The following YTHDC2 variants were observed in gnomAD, a reference collection of about 807,000 sequenced individuals.
YTHDC2 encodes YTH N6-methyladenosine RNA binding protein C2.
Under a neutral mutation model 174.9 loss-of-function variants are expected in YTHDC2, and 45 were observed. That is an observed-to-expected ratio of 0.26 (90% confidence interval 0.20 to 0.33). The LOEUF is 0.33. Among genes scored for constraint, YTHDC2 ranks in the 10% least tolerant of loss-of-function variants. The pLI is 1.00. For missense variants in YTHDC2, 1,650 were observed against 1,723.7 expected (o/e 0.96, Z 0.76); for synonymous variants, 657 against 574.5 (o/e 1.14, Z -2.05).
chr5:113,564,685 G>T (rs770065340), intron 20 of YTHDC2, among the ~76,000 whole-genome samples: 2 of 152,142 alleles, frequency 1.3e-5, no homozygotes, highest in Non-Finnish European at 2.9e-5. Flanking sequence ...GGGGAAAATA[G>T]GATCCTGGGG....
At position 113,567,130 on chromosome 5, in the gene YTHDC2, G is replaced by A. The variant is rs768733316; in HGVS notation, c.2881G>A (p.Val961Ile). 1.1e-5 allele frequency: 17 copies of A among 1,613,576 alleles called. No homozygotes were observed. The South Asian group carries it at 1.4e-4, about 14-fold the overall frequency. Reference sequence around the variant, plus strand: ...ACGAGGTGGTGGTGACATTCGGGACGTTAACACAAACTCTGAGAATTGGGC... The same window carrying A: ...ACGAGGTGGTGGTGACATTCGGGACATTAACACAAACTCTGAGAATTGGGC... ...RARGGGDIRD[V>I]NTNSENWAVV... Residue 961 changes from valine (V) to isoleucine (I), a missense_variant, in exon 22 of 30, where the codon GTT becomes ATT. Val to Ile is a conservative substitution (Grantham distance 29). Around this residue, in one of 5 missense-constraint regions of YTHDC2, gnomAD observed 913 missense variants for 940.4 expected, o/e 0.97. Coordinates refer to ENST00000161863, the MANE Select transcript of YTHDC2 (RefSeq NM_022828.5).
Position 113,513,792 on chromosome 5 carries a change from C to G in YTHDC2, c.-104C>G, listed in dbSNP as rs930914032. 7.5e-6 allele frequency: 10 copies of G among 1,338,190 alleles called. No homozygotes were observed. The Middle Eastern group carries it at 8.0e-4, about 107-fold the overall frequency. The allele number at this position is 1,338,190 out of a possible 1,614,324, so 82.9% of individuals were successfully genotyped here. ...GACCTCAGCCCAACACAGGCCGTCT[C>G]CGGAGCTTCCCGGTAGTGGCCCCGG... On this transcript the variant is annotated 5_prime_UTR_variant, in exon 1 of 30. Coordinates refer to ENST00000161863, the MANE Select transcript of YTHDC2 (RefSeq NM_022828.5).
chr5:113,591,638 A>C (rs1779010924), intron 27 of YTHDC2, among the ~76,000 whole-genome samples: 1 of 152,166 alleles, frequency 6.6e-6, no homozygotes, highest in African/African-American at 2.4e-5. Context: ...GTATACCTGA[A>C]TTTATAAAAT....
intron 2 of YTHDC2, among the ~76,000 whole-genome samples, chr5:113,515,957 TC>T (rs1040331913): frequency 6.6e-6 from 1 of 152,182 alleles, no homozygotes; most frequent in African/African-American, 2.4e-5. Context: ...GAATAGTCCT[TC>T]CCTTTCTGGT....
intron 26 of YTHDC2, among the ~76,000 whole-genome samples, chr5:113,589,592 A>T (rs1778901612): frequency 6.6e-6 from 1 of 151,636 alleles, no homozygotes; most frequent in Admixed American, 6.6e-5. Flanking sequence ...TTAGTTGGGC[A>T]TGGTGATGGG....
intron 2 of YTHDC2, among the ~76,000 whole-genome samples, chr5:113,523,823 T>C (rs1774035646): frequency 1.3e-5 from 2 of 152,074 alleles, no homozygotes; most frequent in Admixed American, 1.3e-4. Flanking sequence ...CTAATGAAAA[T>C]TAGAAAAATT....
At chr5:113,515,070 ACATT>A (rs1773310249) in intron 1 of YTHDC2, among the ~76,000 whole-genome samples, 198 bp from the exon 2 acceptor site, 1 of 152,168 alleles carries the variant, frequency 6.6e-6, no homozygotes, top group South Asian at 2.1e-4. Context: ...ATTCTGATAG[ACATT>A]CAGTAGTTAT....
At chr5:113,570,646 A>T (rs545467743) in intron 23 of YTHDC2, among the ~76,000 whole-genome samples, 1 of 151,886 alleles carries the variant, frequency 6.6e-6, no homozygotes, top group African/African-American at 2.4e-5. Flanking sequence ...TTCCTATTTG[A>T]ATACTCTTTA....
chr5:113,561,957 G>GGTGTGT (rs70973686), intron 18 of YTHDC2, among the ~76,000 whole-genome samples: 16,149 of 134,564 alleles, frequency 0.12, 1,013 homozygotes, highest in Middle Eastern at 0.14. Context: ...ATTAATTGTG[G>GGTGTGT]GTGTGTGTGT....
chr5:113,577,649 C>A (rs1446439223), intron 23 of YTHDC2, among the ~76,000 whole-genome samples: 2 of 152,256 alleles, frequency 1.3e-5, no homozygotes, highest in African/African-American at 4.8e-5. Flanking sequence ...GGATTACAGG[C>A]GTGAGCCACC....
chr5:113,519,588 A>G (rs946646623), intron 2 of YTHDC2, among the ~76,000 whole-genome samples: 1 of 152,236 alleles, frequency 6.6e-6, no homozygotes, highest in African/African-American at 2.4e-5. Context: ...ACTGCCTAAC[A>G]GGTACCAAAT....
At chr5:113,525,973 C>G (rs561236045) in intron 3 of YTHDC2, among the ~76,000 whole-genome samples, 6 of 152,164 alleles carry the variant, frequency 3.9e-5, no homozygotes, top group African/African-American at 1.4e-4. Context: ...TTATTCCTAT[C>G]TGTTTAGTTA....
chr5:113,537,902 T>C (rs1775191532), intron 7 of YTHDC2, among the ~76,000 whole-genome samples: 1 of 152,148 alleles, frequency 6.6e-6, no homozygotes, highest in Non-Finnish European at 1.5e-5. Context: ...TGTAATAATC[T>C]TGGGTGATCA....
chr5:113,551,645 T>A (rs1776258651), intron 12 of YTHDC2, among the ~76,000 whole-genome samples: 1 of 151,974 alleles, frequency 6.6e-6, no homozygotes, highest in Non-Finnish European at 1.5e-5. Context: ...TTAGGAGAAA[T>A]ACCTAATGTA....
At chr5:113,593,141 A>G (rs1779093852) in intron 28 of YTHDC2, 162 bp from the exon 29 acceptor site, 1 of 495,894 alleles carries the variant, frequency 2.0e-6, no homozygotes, top group Non-Finnish European at 3.6e-6. Context: ...TAAACCTTAA[A>G]GCAAAGAATT....
At chr5:113,550,141 G>A (rs1452120220) in intron 12 of YTHDC2, among the ~76,000 whole-genome samples, 1 of 151,770 alleles carries the variant, frequency 6.6e-6, no homozygotes, top group Non-Finnish European at 1.5e-5. Flanking sequence ...GTAAAACCGG[G>A]CAGGTACAGC....
intron 23 of YTHDC2, among the ~76,000 whole-genome samples, chr5:113,569,092 T>C (rs192826469): frequency 2.4e-4 from 36 of 152,356 alleles, no homozygotes; most frequent in Admixed American, 2.4e-3. Context: ...TGCATTCCAG[T>C]AATGATCAGT....
intron 20 of YTHDC2, 37 bp downstream of exon 20, chr5:113,564,168 TG>T (rs774165443): frequency 6.4e-7 from 1 of 1,553,286 alleles, no homozygotes; most frequent in South Asian, 1.2e-5. Context: ...AAGACGTTGC[TG>T]GGTAAACACG....
chr5:113,549,534 T>C lies in YTHDC2; in HGVS notation c.1688+514T>C, dbSNP rs189467634. Among the ~76,000 whole-genome samples, 6 of 152,220 alleles carry C rather than the reference T, an allele frequency of 3.9e-5. No homozygotes were observed. In the East Asian group the frequency reaches 1.2e-3, roughly 29 times the overall value. Reference sequence around the variant, plus strand: ...GAAGCAGTAAAAAAAGAGTTAGTTATCAAAGAGAAAACTTAGAATACAAAA... The same window carrying C: ...GAAGCAGTAAAAAAAGAGTTAGTTACCAAAGAGAAAACTTAGAATACAAAA... On this transcript the variant is annotated intron_variant, in intron 12 of 29. Transcript: ENST00000161863.
Sources: gnomAD v4.1 joint callset for allele counts (sites outside exome capture counted in the v4.1 genomes callset) on GRCh38, gnomAD v4.1.1 for gene constraint, gnomAD v4.1.1 regional missense constraint, MANE v1.5 for transcripts, NCBI Gene and HGNC (gene_info 2026-07-23, HGNC 2026-07-21) for gene names.